Variants in C1orf21 observed in about 807,000 individuals in gnomAD.
C1orf21 encodes the protein uncharacterized protein C1orf21.
Under a neutral mutation model 18.7 loss-of-function variants are expected in C1orf21, and 3 were observed. That is an observed-to-expected ratio of 0.16 (90% CI 0.07 to 0.42). The LOEUF is 0.42. Among genes scored for constraint, C1orf21 ranks in the 10% least tolerant of loss-of-function variants. C1orf21 has a pLI of 0.99. For missense variants in C1orf21, 104 were observed against 143.6 expected (o/e 0.72, Z 1.41); for synonymous variants, 41 against 46.4 (o/e 0.88, Z 0.47).
At chr1:184,539,078 A>C (rs1000407649) in intron 3 of C1orf21, among the ~76,000 whole-genome samples, 1 of 151,972 alleles carries the variant, frequency 6.6e-6, no homozygotes, top group Non-Finnish European at 1.5e-5. Flanking sequence ...CTTGTTCTTG[A>C]TATTAGAGGG....
chr1:184,568,486 G>A (rs991979640), intron 3 of C1orf21: 3 of 469,876 alleles, frequency 6.4e-6, no homozygotes, highest in African/African-American at 2.0e-5. Context: ...ATGTGATACT[G>A]TGAGTATTAT....
At chr1:184,404,106 T>A (rs765589929) in intron 1 of C1orf21, among the ~76,000 whole-genome samples, 1 of 152,206 alleles carries the variant, frequency 6.6e-6, no homozygotes, top group Non-Finnish European at 1.5e-5. Flanking sequence ...ATGGTCTACA[T>A]TTTACAGATG....
chr1:184,489,699 A>G (rs1223128485), intron 2 of C1orf21, among the ~76,000 whole-genome samples: 2 of 152,236 alleles, frequency 1.3e-5, no homozygotes, highest in Non-Finnish European at 2.9e-5. Flanking sequence ...ATATGGCAAA[A>G]GGTTTGTGAC....
intron 2 of C1orf21, among the ~76,000 whole-genome samples, chr1:184,478,851 G>A (rs952612457): frequency 2.0e-5 from 3 of 152,092 alleles, no homozygotes; most frequent in Non-Finnish European, 4.4e-5. Flanking sequence ...TCTTAGTAAG[G>A]GACATCATAG....
intron 2 of C1orf21, among the ~76,000 whole-genome samples, 172 bp from the exon 3 acceptor site, chr1:184,507,416 A>T (rs1658079183): frequency 6.6e-6 from 1 of 152,190 alleles, no homozygotes; most frequent in Non-Finnish European, 1.5e-5. Context: ...AGGGGCTCAT[A>T]AAAAGATCTA....
At chr1:184,429,458 G>A (rs767601415) in intron 1 of C1orf21, among the ~76,000 whole-genome samples, 22 of 152,168 alleles carry the variant, frequency 1.4e-4, no homozygotes, top group Admixed American at 2.0e-4. Flanking sequence ...GTGATTGTAT[G>A]ATTCTAAATT....
intron 5 of C1orf21, among the ~76,000 whole-genome samples, chr1:184,609,296 C>T (rs1030813256): frequency 7.3e-5 from 11 of 151,104 alleles, no homozygotes; most frequent in Admixed American, 1.3e-4. Context: ...AGCAAGAAAA[C>T]TGATCCTCAT....
In C1orf21 at chr1:184,602,829, C is replaced by T. The variant is rs564252736; in HGVS notation, c.327+4368C>T. On this transcript the variant is annotated intron_variant, in intron 5 of 5. Coordinates refer to ENST00000235307, the MANE Select transcript of C1orf21 (RefSeq NM_030806.4). ...CTTCTACAGGCAAAACAGGGATTTA[C>T]ATTTTGCTTTATGAAGATGTAAGAC... Among the ~76,000 whole-genome samples, 672 of 152,298 alleles carry T rather than the reference C, an allele frequency of 4.4e-3. 7 individuals carry two copies. Among genetic ancestry groups the T allele is most frequent in the Non-Finnish European group, 5.6e-3 (381 of 68,022 alleles).
intron 1 of C1orf21, among the ~76,000 whole-genome samples, chr1:184,424,930 C>T (rs1420169382): frequency 1.3e-5 from 2 of 152,188 alleles, no homozygotes; most frequent in South Asian, 2.1e-4. Context: ...TATCAGAACA[C>T]CTAGCCCTGT....
chr1:184,609,830 A>C (rs564057057), intron 5 of C1orf21, among the ~76,000 whole-genome samples: 1 of 152,376 alleles, frequency 6.6e-6, no homozygotes, highest in Non-Finnish European at 1.5e-5. Context: ...TGGTATAAAA[A>C]TGTCATGCAT....
chr1:184,512,673 T>C (rs952006859), intron 3 of C1orf21, among the ~76,000 whole-genome samples: 2 of 152,170 alleles, frequency 1.3e-5, no homozygotes, highest in Non-Finnish European at 2.9e-5. Context: ...GGGGCCTAGC[T>C]TCACCATTTC....
At chr1:184,612,228 A>C (rs190345120) in intron 5 of C1orf21, among the ~76,000 whole-genome samples, 92 of 152,336 alleles carry the variant, frequency 6.0e-4, no homozygotes, top group African/African-American at 2.0e-3. Context: ...AGCCTGCTTT[A>C]TCACAAGCAT....
At chr1:184,596,874 A>C (rs1439957989) in intron 4 of C1orf21, among the ~76,000 whole-genome samples, 1 of 55,538 alleles carries the variant, frequency 1.8e-5, no homozygotes, top group Non-Finnish European at 3.0e-5. Context: ...ACTCTGTCTC[A>C]AAAAAAAAAA....
intron 2 of C1orf21, among the ~76,000 whole-genome samples, chr1:184,478,095 A>G (rs940133381): frequency 6.6e-6 from 1 of 152,294 alleles, no homozygotes; most frequent in South Asian, 2.1e-4. Context: ...TCAAGCTTCA[A>G]AGAACCAGCA....
rs143656541 is a variant in C1orf21, at chr1:184,417,310, C to T, written c.-125+29942C>T. ...TCAAAATTTAGAGCTGCTTCCATAGCGACAATGCTATTTTTTAAGTACAGT... is the reference window on the plus strand; with the variant it reads ...TCAAAATTTAGAGCTGCTTCCATAGTGACAATGCTATTTTTTAAGTACAGT... On this transcript the variant is annotated intron_variant, in intron 1 of 5. Transcript: ENST00000235307. Among the ~76,000 whole-genome samples, 25 of 152,260 alleles carry T rather than the reference C, an allele frequency of 1.6e-4. No homozygotes were observed. In the East Asian group the frequency reaches 3.7e-3, roughly 22 times the overall value.
chr1:184,463,797 T>C (rs1413637247), intron 1 of C1orf21, among the ~76,000 whole-genome samples: 2 of 152,188 alleles, frequency 1.3e-5, no homozygotes, highest in South Asian at 2.1e-4. Flanking sequence ...GAAAAATAAC[T>C]GCAGACAATT....
intron 1 of C1orf21, among the ~76,000 whole-genome samples, chr1:184,466,910 T>C (rs1284692342): frequency 6.6e-6 from 1 of 152,114 alleles, no homozygotes; most frequent in Non-Finnish European, 1.5e-5. Flanking sequence ...TTGAAATAAA[T>C]AAATAGCACA....
At chr1:184,417,633 G>C (rs888412018) in intron 1 of C1orf21, among the ~76,000 whole-genome samples, 1 of 152,090 alleles carries the variant, frequency 6.6e-6, no homozygotes, top group Non-Finnish European at 1.5e-5. Flanking sequence ...AATATAGAAC[G>C]AACAAGTAAA....
At chr1:184,409,185 G>A (rs1656294161) in intron 1 of C1orf21, among the ~76,000 whole-genome samples, 1 of 152,156 alleles carries the variant, frequency 6.6e-6, no homozygotes, top group Non-Finnish European at 1.5e-5. Context: ...ACTAGGGTGG[G>A]ATCTTACTGT....
Sources: allele counts gnomAD v4.1 joint callset (sites outside exome capture counted in the v4.1 genomes callset), GRCh38; gene constraint gnomAD v4.1.1; transcripts MANE v1.5; gene names NCBI Gene and HGNC (gene_info 2026-07-23, HGNC 2026-07-21).